Variants in NCOR2 observed in about 807,000 individuals in gnomAD.
The protein encoded by NCOR2 is CTG repeat protein 26.
In NCOR2, 81 loss-of-function variants were observed where a neutral mutation model predicts 262.9. That is an observed-to-expected ratio of 0.31 (90% CI 0.26 to 0.37). The LOEUF is 0.37. Among genes scored for constraint, NCOR2 ranks in the 10% least tolerant of loss-of-function variants. NCOR2 has a pLI of 1.00. For synonymous variants in NCOR2, 1,659 were observed against 1,559.3 expected (o/e 1.06, Z -1.51); for missense variants, 3,385 against 3,621.4 (o/e 0.93, Z 1.68).
In NCOR2 at chr12:124,534,676, G is replaced by A. The variant is rs77388536; in HGVS notation, c.-118+889C>T. ...CAATGCCCTCAGCGACCATCTGCCT[G>A]GCTGGGAAATGAGCACTCCGGGAGA... On this transcript the variant is annotated intron_variant, in intron 1 of 46. Transcript: ENST00000404621. Among the ~76,000 whole-genome samples, 706 of 152,296 alleles carry A rather than the reference G, an allele frequency of 4.6e-3. 3 individuals carry two copies. Among genetic ancestry groups the A allele is most frequent in the Non-Finnish European group, 7.9e-3 (535 of 68,034 alleles).
At chr12:124,376,008 C>G (rs1008481121) in intron 18 of NCOR2, among the ~76,000 whole-genome samples, 2 of 152,204 alleles carry the variant, frequency 1.3e-5, no homozygotes, top group African/African-American at 4.8e-5. Flanking sequence ...GGTCACGCAG[C>G]GTGCGCTGGC....
chr12:124,433,845 TACACACACACAC>T (rs1204258133), intron 8 of NCOR2, among the ~76,000 whole-genome samples: 1,627 of 18,248 alleles, frequency 0.089, 62 homozygotes, highest in African/African-American at 0.13. Flanking sequence ...CTCTCTGTCT[TACACACACACAC>T]ACACACACAC....
intron 1 of NCOR2, among the ~76,000 whole-genome samples, chr12:124,557,157 T>C (rs994437560): frequency 6.6e-6 from 1 of 152,204 alleles, no homozygotes; most frequent in Non-Finnish European, 1.5e-5. Context: ...GGCCTCCCCC[T>C]GGCTGCCACG....
chr12:124,420,545 T>A (rs2043147810), intron 12 of NCOR2, among the ~76,000 whole-genome samples: 1 of 152,186 alleles, frequency 6.6e-6, no homozygotes, highest in African/African-American at 2.4e-5. Flanking sequence ...CCAAGCCTTG[T>A]GCATCGGGAC....
At chr12:124,331,251 C>G (rs1391223159) in intron 43 of NCOR2, among the ~76,000 whole-genome samples, 1 of 151,878 alleles carries the variant, frequency 6.6e-6, no homozygotes, top group African/African-American at 2.4e-5. Context: ...TTAGTAGAGA[C>G]GGGGTTTCAC....
chr12:124,332,092 C>G, intron 43 of NCOR2: 4 of 564,852 alleles, frequency 7.1e-6, no homozygotes. Flanking sequence ...GTGCTGGGTG[C>G]TATTCTTCTG....
chr12:124,466,335 G>A (rs769615617), intron 4 of NCOR2, 49 bp from the exon 7 acceptor site: 1 of 1,562,876 alleles, frequency 6.4e-7, no homozygotes, highest in African/African-American at 1.4e-5. Flanking sequence ...GCGGGCGGAA[G>A]GAGGGCTGCA....
rs2050746590 is a variant in NCOR2, at chr12:124,531,051, C to G, written c.-118+4514G>C. 6.6e-6 allele frequency among the ~76,000 whole-genome samples: 1 copy of G among 152,166 alleles called. No homozygotes were observed. Among genetic ancestry groups the G allele is most frequent in the African/African-American group, 2.4e-5 (1 of 41,454 alleles). Reference sequence around the variant, plus strand: ...GACAGGACACGGTTCCTGGGCTCCACCCAACCCGCCTCTCCCAGGGAAGCA... The same window carrying G: ...GACAGGACACGGTTCCTGGGCTCCAGCCAACCCGCCTCTCCCAGGGAAGCA... On this transcript the variant is annotated intron_variant, in intron 1 of 46. Coordinates refer to the NCOR2 transcript ENST00000404621. The surrounding 1 kb of genome is among the most constrained non-coding windows in gnomAD (Gnocchi z 4.5).
intron 1 of NCOR2, among the ~76,000 whole-genome samples, chr12:124,529,179 CAAAAAAAAAA>C (rs148397454): frequency 1.9e-4 from 10 of 52,182 alleles, no homozygotes; most frequent in African/African-American, 5.6e-4. Context: ...AACTCCGACT[CAAAAAAAAAA>C]AAAAAAAAAA....
intron 16 of NCOR2, among the ~76,000 whole-genome samples, chr12:124,397,028 A>G (rs1244083): frequency 0.98 from 149,209 of 152,282 alleles, 73,173 homozygotes; most frequent in East Asian, 1. Flanking sequence ...GCCTGCTCCC[A>G]GCCCCACACA....
At chr12:124,461,339 A>G (rs2046150779) in intron 5 of NCOR2, among the ~76,000 whole-genome samples, 1 of 152,194 alleles carries the variant, frequency 6.6e-6, no homozygotes. Flanking sequence ...ACTCAAGCCA[A>G]TGAGCGGCCC....
intron 21 of NCOR2, among the ~76,000 whole-genome samples, chr12:124,363,270 C>T (rs977783830): frequency 2.0e-5 from 3 of 152,244 alleles, no homozygotes; most frequent in Non-Finnish European, 4.4e-5. Context: ...CCTCCAAGGG[C>T]CCACGCACCC....
chr12:124,449,210 T>A (rs925123798), intron 7 of NCOR2, among the ~76,000 whole-genome samples: 7 of 152,258 alleles, frequency 4.6e-5, no homozygotes, highest in African/African-American at 1.7e-4. Flanking sequence ...CCTCACCCAA[T>A]GGCAGTGGCA....
rs1260934465 is a variant in NCOR2, at chr12:124,332,438, G to T, written c.6785C>A (p.Thr2262Asn). ...GCTGAAGAAGGCTGGCGGCTGGCTG[G>T]TGTTGCCTGGAGACTTGGAGCCCAT... is the stretch of plus-strand genomic sequence containing the variant. Residue 2262 changes from threonine to asparagine, a missense_variant, in exon 43 of 47, where the codon ACC becomes AAC. Coordinates refer to ENST00000405201, the Ensembl canonical transcript of NCOR2. 8.1e-6 allele frequency: 13 copies of T among 1,614,100 alleles called. No homozygotes were observed. The highest frequency in any genetic ancestry group is 1.1e-5 in the Non-Finnish European group (13 of 1,180,038).
chr12:124,551,855 C>A (rs948948010), intron 1 of NCOR2, among the ~76,000 whole-genome samples: 3 of 152,282 alleles, frequency 2.0e-5, no homozygotes. Context: ...TCTGAGAATC[C>A]GGAACACCCG....
intron 31 of NCOR2, among the ~76,000 whole-genome samples, chr12:124,346,307 G>A (rs2036923761): frequency 6.6e-6 from 1 of 152,192 alleles, no homozygotes. Flanking sequence ...AGCCTGCCTG[G>A]CCTCTCTGGG....
chr12:124,332,288 A>G (rs373187328), intron 43 of NCOR2, 31 bp downstream of exon 45: 11 of 1,612,364 alleles, frequency 6.8e-6, no homozygotes, highest in Admixed American at 1.7e-5. Flanking sequence ...CTGTGGCCCC[A>G]TGCTTCCCCG....
rs548242446 is a variant in NCOR2, at chr12:124,531,867, T to G, written c.-118+3698A>C. ...ACCCCTCACCCCAATGTATAGACAA[T>G]CCCAGACACCCACCTCCCCACCCCA... On this transcript the variant is annotated intron_variant, in intron 1 of 46. Coordinates refer to the NCOR2 transcript ENST00000404621. The surrounding 1 kb of genome is among the most constrained non-coding windows in gnomAD (Gnocchi z 4.5). Among the ~76,000 whole-genome samples the G allele has an allele frequency of 5.2e-4, 39 of 74,740 alleles. No homozygotes were observed. Among genetic ancestry groups the G allele is most frequent in the African/African-American group, 2.1e-3 (38 of 17,760 alleles). The allele number at this position is 74,740 out of a possible 152,430, so 49.0% of individuals were successfully genotyped here. A position where few individuals can be genotyped will look rare whatever the true frequency, so the allele number is the denominator to read the frequency against.
At chr12:124,448,165 G>A (rs2045301272) in intron 7 of NCOR2, among the ~76,000 whole-genome samples, 1 of 152,178 alleles carries the variant, frequency 6.6e-6, no homozygotes, top group Non-Finnish European at 1.5e-5. Context: ...ATGAGGGAAT[G>A]CCCCAAACAG....
Sources: gnomAD v4.1 joint callset for allele counts (sites outside exome capture counted in the v4.1 genomes callset) on GRCh38, gnomAD v4.1.1 for gene constraint, Gnocchi (gnomAD v3.1) non-coding constraint, MANE v1.5 for transcripts, NCBI Gene and HGNC (gene_info 2026-07-23, HGNC 2026-07-21) for gene names.